Variants in ZNF615 observed in about 807,000 individuals in gnomAD.
ZNF615 encodes the protein zinc finger protein 615.
Under a neutral mutation model 15.3 loss-of-function variants are expected in ZNF615, and 15 were observed. The ratio of observed to expected loss-of-function variants is 0.98; its 90% CI spans 0.66 to 1.51. The LOEUF (loss-of-function observed/expected upper bound fraction) is 1.51. Ranked by LOEUF, ZNF615 falls within the 40% of genes most tolerant of loss-of-function variation. ZNF615 has a pLI of 0.00. For missense variants in ZNF615, 848 were observed against 895.9 expected, an observed-to-expected ratio of 0.95 and a Z score of 0.68; for synonymous variants, 268 against 294.6, an observed-to-expected ratio of 0.91 and a Z score of 0.92.
intron 6 of ZNF615, among the ~76,000 whole-genome samples, chr19:51,999,672 A>G (rs1159374731): frequency 6.6e-6 from 1 of 152,240 alleles, no homozygotes; most frequent in Non-Finnish European, 1.5e-5. Flanking sequence ...CTATACAGAA[A>G]TGAATGCAGT....
At chr19:52,002,788 CA>C (rs2086639360) in intron 3 of ZNF615, among the ~76,000 whole-genome samples, 1 of 150,718 alleles carries the variant, frequency 6.6e-6, no homozygotes, top group South Asian at 2.1e-4. Context: ...GTATAAAGCA[CA>C]AAGATTATTA....
chr19:51,994,234 G>A lies in ZNF615; in HGVS notation c.875C>T (p.Thr292Ile). The change falls in exon 7 of 7, where the codon ACT (threonine) becomes ATT (isoleucine). Residue 292 changes from threonine (T) to isoleucine (I), a missense_variant. Transcript: ENST00000598071. The stretch of plus-strand genomic sequence containing the variant: ...TGTGTAAGGTTTCCCTCCCATATGA[G>A]TTTTCTGATGTATATTGAGCTGTGA... The part of the protein sequence containing the change: ...KKSQLNIHQK[T>I]HMGGKPYTCS... 6.2e-7 allele frequency: 1 copy of A among 1,614,070 alleles called. No homozygotes were observed. Among genetic ancestry groups the A allele is most frequent in the South Asian group, 1.1e-5 (1 of 91,084 alleles).
Position 51,993,619 on chromosome 19 carries a change from C to T in ZNF615, c.1490G>A (p.Cys497Tyr), listed in dbSNP as rs1568495768. Residue 497 changes from cysteine (C) to tyrosine (Y), a missense_variant, in exon 7 of 7, where the codon TGC becomes TAC. Cys to Tyr is a radical substitution (Grantham distance 194). Transcript: ENST00000598071. Reference sequence around the variant, plus strand: ...AGTGAAGCCTTTTCCACAATCATTGCATATATATGGCTTCTCTGCAGTATG... The same window carrying T: ...AGTGAAGCCTTTTCCACAATCATTGTATATATATGGCTTCTCTGCAGTATG... ...RTHTAEKPYICNDCGKGFTVK... is the reference protein window; with the variant it reads ...RTHTAEKPYIYNDCGKGFTVK... 1 of 1,614,080 alleles carries T rather than the reference C, an allele frequency of 6.2e-7. No homozygotes were observed. The highest frequency in any genetic ancestry group is 1.3e-5 in the African/African-American group (1 of 75,006).
chr19:52,004,189 C>T (rs1307983053), intron 2 of ZNF615, among the ~76,000 whole-genome samples: 3 of 152,152 alleles, frequency 2.0e-5, no homozygotes, highest in African/African-American at 7.2e-5. Context: ...AATCCTCAGG[C>T]AGACCAGTTT....
At chr19:51,997,817 C>A (rs2086485550) in intron 6 of ZNF615, among the ~76,000 whole-genome samples, 1 of 152,214 alleles carries the variant, frequency 6.6e-6, no homozygotes, top group Admixed American at 6.5e-5. Flanking sequence ...GCTACAGACA[C>A]TGGGCTTAGA....
At chr19:52,006,604 G>C (rs1477101174) in intron 2 of ZNF615, among the ~76,000 whole-genome samples, 2 of 152,148 alleles carry the variant, frequency 1.3e-5, no homozygotes, top group Non-Finnish European at 2.9e-5. Flanking sequence ...ATTATTTAGA[G>C]GAATGGTACT....
chr19:52,003,327 G>C (rs369068726), intron 3 of ZNF615, among the ~76,000 whole-genome samples: 1 of 152,136 alleles, frequency 6.6e-6, no homozygotes, highest in Admixed American at 6.5e-5. Context: ...TAACACCTCC[G>C]TGAAGAACTA....
chr19:51,994,576 T>C lies in ZNF615; in HGVS notation c.533A>G (p.His178Arg), dbSNP rs1178858443. 2 of 1,614,010 alleles carry C rather than the reference T, an allele frequency of 1.2e-6. No homozygotes were observed. Among genetic ancestry groups the C allele is most frequent in the Non-Finnish European group, 1.7e-6 (2 of 1,179,974 alleles). The change falls in exon 7 of 7, where the codon CAT becomes CGT. Residue 178 changes from histidine (H) to arginine (R), a missense_variant. Transcript: ENST00000598071. The part of the protein sequence containing the change: ...EFNRDGKSLF[H>R]ANHKQFYTEM... Reference sequence around the variant, plus strand: ...AGTATAAAATTGTTTATGGTTAGCATGAAAAAGGGATTTCCCATCTCTATT... The same window carrying C: ...AGTATAAAATTGTTTATGGTTAGCACGAAAAAGGGATTTCCCATCTCTATT...
Position 52,000,338 on chromosome 19 carries a change from A to G in ZNF615, c.271+8T>C. The G allele has an allele frequency of 1.6e-6, 1 of 634,868 alleles. No individual in the cohort carries two copies. Among genetic ancestry groups the G allele is most frequent in the Non-Finnish European group, 2.9e-6 (1 of 346,576 alleles). 39.3% of individuals were successfully genotyped at this position (634,868 alleles called of 1,614,324 possible). ...CTCGGCATCAGGCAATATATCCATG[A>G]GACAAACCTGCATATGCACCTCCTG... On this transcript the variant is annotated splice_region_variant and intron_variant, in intron 6 of 6. Coordinates refer to ENST00000598071, the MANE Select transcript of ZNF615 (RefSeq NM_001199324.2).
intron 6 of ZNF615, among the ~76,000 whole-genome samples, chr19:51,997,382 T>A (rs1408041879): frequency 6.6e-6 from 1 of 152,210 alleles, no homozygotes; most frequent in Non-Finnish European, 1.5e-5. Context: ...GCTGAGTGAT[T>A]ATCACATTCC....
At chr19:51,999,507 AC>A (rs2086531336) in intron 6 of ZNF615, among the ~76,000 whole-genome samples, 1 of 152,236 alleles carries the variant, frequency 6.6e-6, no homozygotes, top group Non-Finnish European at 1.5e-5. Flanking sequence ...ATATATTTAT[AC>A]ATAGTATATG....
chr19:51,994,954 T>C, intron 6 of ZNF615, 117 bp from the exon 7 acceptor site: 1 of 983,950 alleles, frequency 1.0e-6, no homozygotes. Context: ...CCCTATTTTA[T>C]TTATTTATTT....
Position 51,993,437 on chromosome 19 carries a change from T to C in ZNF615, c.1672A>G (p.Lys558Glu). The C allele has an allele frequency of 6.2e-7, 1 of 1,614,214 alleles. No individual in the cohort carries two copies. Among genetic ancestry groups the C allele is most frequent in the Non-Finnish European group, 8.5e-7 (1 of 1,180,036 alleles). Reference protein sequence around the residue: ...EKPYICNECGKGFTEKSHLNV... With the variant: ...EKPYICNECGEGFTEKSHLNV... ...AGATGACTCTTCTCAGTGAAGCCTTTTCCACACTCATTGCAAATATAAGGT... is the reference window on the plus strand; with the variant it reads ...AGATGACTCTTCTCAGTGAAGCCTTCTCCACACTCATTGCAAATATAAGGT... The change falls in exon 7 of 7, where the codon AAA becomes GAA. Residue 558 changes from lysine (K) to glutamate (E), a missense_variant. Lys to Glu is a moderately conservative substitution (Grantham distance 56, BLOSUM62 1). Transcript: ENST00000598071.
chr19:51,995,423 C>T (rs935692286), intron 6 of ZNF615, among the ~76,000 whole-genome samples: 9 of 152,086 alleles, frequency 5.9e-5, no homozygotes, highest in African/African-American at 2.2e-4. Flanking sequence ...GGATACCAGA[C>T]CACAGAAATA....
intron 6 of ZNF615, among the ~76,000 whole-genome samples, chr19:51,995,399 C>A (rs1188086152): frequency 6.6e-6 from 1 of 151,976 alleles, no homozygotes. Flanking sequence ...TGCAGGGAAC[C>A]CCAAAATTTG....
At chr19:51,996,647 A>G (rs533436625) in intron 6 of ZNF615, among the ~76,000 whole-genome samples, 5 of 152,322 alleles carry the variant, frequency 3.3e-5, no homozygotes, top group Admixed American at 1.3e-4. Context: ...CAAATTATTC[A>G]AAGAAAGAGT....
chr19:51,994,464 A>C lies in ZNF615; in HGVS notation c.645T>G (p.His215Gln), dbSNP rs137922271. 1.5e-4 allele frequency: 237 copies of C among 1,614,202 alleles called. 1 individual carries two copies. The East Asian group carries it at 4.8e-3, about 33-fold the overall frequency. ...QQRTHNIENAHVCSECGKAFL... is the reference protein window; with the variant it reads ...QQRTHNIENAQVCSECGKAFL... ...AGGCTTTCCCACATTCACTGCATAC[A>C]TGGGCATTCTCTATGTTGTGAGTTC... Residue 215 changes from histidine to glutamine, a missense_variant, in exon 7 of 7, where the codon CAT becomes CAG. Transcript: ENST00000598071.
At chr19:52,000,937 A>G (rs1295516184) in intron 5 of ZNF615, among the ~76,000 whole-genome samples, 3 of 152,078 alleles carry the variant, frequency 2.0e-5, no homozygotes, top group African/African-American at 7.2e-5. Flanking sequence ...CAAAAAAAAA[A>G]AGTATGGAGA....
chr19:51,997,907 C>T (rs11878728), intron 6 of ZNF615, among the ~76,000 whole-genome samples: 1,929 of 152,280 alleles, frequency 0.013, 35 homozygotes, highest in African/African-American at 0.043. Context: ...TGTGCAACTC[C>T]ACTAGAACAG....
Sources: gnomAD v4.1 joint callset for allele counts (sites outside exome capture counted in the v4.1 genomes callset) on GRCh38, gnomAD v4.1.1 for gene constraint, MANE v1.5 for transcripts, NCBI Gene and HGNC (gene_info 2026-07-23, HGNC 2026-07-21) for gene names.